CCDC178: variants seen among roughly 807,000 people sequenced by gnomAD.
CCDC178 encodes the protein coiled-coil domain-containing protein 178.
Under a neutral mutation model 117.4 loss-of-function variants are expected in CCDC178, and 126 were observed. That is an observed-to-expected ratio of 1.07 (90% CI 0.93 to 1.24). The LOEUF is 1.24. Among genes scored for constraint, CCDC178 ranks in the 50% most tolerant of loss-of-function variants. The probability of loss-of-function intolerance (pLI) is 0.00; values close to 1 mark genes in which losing one functional copy is unlikely to be tolerated. For missense variants in CCDC178, 1,030 were observed against 986.9 expected, an observed-to-expected ratio of 1.04 and a Z score of -0.59; for synonymous variants, 283 against 313.4, an observed-to-expected ratio of 0.90 and a Z score of 1.02.
intron 20 of CCDC178, among the ~76,000 whole-genome samples, chr18:33,172,679 C>T (rs1450198705): frequency 2.0e-5 from 3 of 151,980 alleles, no homozygotes; most frequent in East Asian, 1.9e-4. Context: ...TGCTTATCTT[C>T]GTTCAACTGT....
chr18:33,406,464 G>T (rs986626848), intron 3 of CCDC178, among the ~76,000 whole-genome samples: 4 of 151,924 alleles, frequency 2.6e-5, no homozygotes, highest in Non-Finnish European at 5.9e-5. Flanking sequence ...TAGTATTACA[G>T]CTCATAACAT....
chr18:33,114,762 G>A (rs2057830446), intron 20 of CCDC178, among the ~76,000 whole-genome samples: 1 of 152,038 alleles, frequency 6.6e-6, no homozygotes, highest in African/African-American at 2.4e-5. Context: ...CAAAGGCAGA[G>A]TCAAATACAC....
chr18:32,974,465 T>A, intron 22 of CCDC178, 82 bp downstream of exon 22: 1 of 1,319,742 alleles, frequency 7.6e-7, no homozygotes, highest in Non-Finnish European at 1.1e-6. Flanking sequence ...GGGATATGGT[T>A]TTAATGCTTC....
intron 19 of CCDC178, among the ~76,000 whole-genome samples, chr18:33,212,534 G>A (rs925077314): frequency 3.9e-5 from 6 of 151,914 alleles, no homozygotes; most frequent in African/African-American, 1.4e-4. Context: ...ATGAGTGCCT[G>A]GTATTGAGCT....
At chr18:33,079,701 G>A (rs1485901802) in intron 21 of CCDC178, among the ~76,000 whole-genome samples, 1 of 152,162 alleles carries the variant, frequency 6.6e-6, no homozygotes, top group Non-Finnish European at 1.5e-5. Context: ...GATCATCAGA[G>A]AAATGCAAAT....
intron 20 of CCDC178, among the ~76,000 whole-genome samples, chr18:33,159,012 T>G (rs1384594958): frequency 2.0e-5 from 3 of 152,078 alleles, no homozygotes; most frequent in African/African-American, 7.2e-5. Context: ...ATATAAAAAT[T>G]TTTAATACTA....
chr18:33,385,542 C>G (rs1298969389), intron 5 of CCDC178, among the ~76,000 whole-genome samples: 2 of 152,124 alleles, frequency 1.3e-5, no homozygotes, highest in Non-Finnish European at 2.9e-5. Context: ...CAAATTAGAA[C>G]TCAAGATTAA....
chr18:32,982,725 C>T (rs564538857), intron 21 of CCDC178, among the ~76,000 whole-genome samples: 94 of 152,190 alleles, frequency 6.2e-4, no homozygotes, highest in Non-Finnish European at 1.1e-3. Flanking sequence ...TTAACAGAAT[C>T]GCTGCAATAA....
At chr18:32,944,221 T>G (rs1365435753) in intron 22 of CCDC178, among the ~76,000 whole-genome samples, 2 of 152,176 alleles carry the variant, frequency 1.3e-5, no homozygotes, top group African/African-American at 4.8e-5. Context: ...AAATACCACT[T>G]CTGGCTGGAA....
At chr18:33,415,404 A>T (rs1439297852) in intron 2 of CCDC178, among the ~76,000 whole-genome samples, 3 of 152,156 alleles carry the variant, frequency 2.0e-5, no homozygotes, top group African/African-American at 7.2e-5. Context: ...ATTTGTAGGG[A>T]TGTGGATGAA....
At chr18:33,200,873 G>A (rs568805838) in intron 20 of CCDC178, among the ~76,000 whole-genome samples, 4 of 152,008 alleles carry the variant, frequency 2.6e-5, no homozygotes, top group South Asian at 4.2e-4. Context: ...TTTGTAATAC[G>A]CTCAGAATCT....
rs113561788 is a variant in CCDC178, at chr18:33,432,602, T to A, written c.-23+7360A>T. ...TTTATACACTCCAGGTCCCTCTCAG[T>A]AGCAAAGAAACACATCTCTTTGAGA... On this transcript the variant is annotated intron_variant, in intron 2 of 22. Coordinates refer to ENST00000383096, the MANE Select transcript of CCDC178 (RefSeq NM_001105528.4). Among the ~76,000 whole-genome samples, 459 of 152,052 alleles carry A rather than the reference T, an allele frequency of 3.0e-3. 1 individual carries two copies. Among genetic ancestry groups the A allele is most frequent in the African/African-American group, 0.011 (437 of 41,506 alleles).
At chr18:33,172,960 A>G (rs1334812693) in intron 20 of CCDC178, among the ~76,000 whole-genome samples, 1 of 152,180 alleles carries the variant, frequency 6.6e-6, no homozygotes, top group African/African-American at 2.4e-5. Context: ...AGGATGTCAA[A>G]TTGATCTTCT....
At chr18:33,414,801 T>A (rs1425672189) in intron 2 of CCDC178, among the ~76,000 whole-genome samples, 2 of 152,206 alleles carry the variant, frequency 1.3e-5, no homozygotes, top group Non-Finnish European at 2.9e-5. Context: ...AATCTACTCA[T>A]CTGACAAAGG....
chr18:32,937,875 T>C lies in CCDC178; in HGVS notation c.*136A>G, dbSNP rs2054153180. On this transcript the variant is annotated 3_prime_UTR_variant, in exon 23 of 23. Transcript: ENST00000383096. The stretch of plus-strand genomic sequence containing the variant: ...CTGTGAGTAAAAGAGTGGCAAAGCA[T>C]GCTGGGAGGTGAGTGAGTTTTTCGT... 1 of 658,430 alleles carries C rather than the reference T, an allele frequency of 1.5e-6. No individual in the cohort carries two copies. The highest frequency in any genetic ancestry group is 1.8e-5 in the African/African-American group (1 of 55,524). The allele number at this position is 658,430 out of a possible 1,614,324, so 40.8% of individuals were successfully genotyped here.
At chr18:33,297,549 TATGC>T in intron 11 of CCDC178, among the ~76,000 whole-genome samples, 1 of 152,192 alleles carries the variant, frequency 6.6e-6, no homozygotes, top group East Asian at 1.9e-4. Flanking sequence ...AAACAATTTA[TATGC>T]TAATAAAATA....
At chr18:33,146,538 G>A (rs2058270208) in intron 20 of CCDC178, among the ~76,000 whole-genome samples, 1 of 152,140 alleles carries the variant, frequency 6.6e-6, no homozygotes, top group Admixed American at 6.5e-5. Context: ...CATATGGGAA[G>A]CTACATGGGA....
At chr18:33,019,914 T>TG (rs2056075648) in intron 21 of CCDC178, among the ~76,000 whole-genome samples, 2 of 216 alleles carry the variant, frequency 9.3e-3, no homozygotes, top group South Asian at 0.17. Context: ...TTAACTGAGA[T>TG]ATTATTATTA....
chr18:33,285,310 T>C (rs1321840665), intron 12 of CCDC178, among the ~76,000 whole-genome samples: 2 of 152,080 alleles, frequency 1.3e-5, no homozygotes, highest in Non-Finnish European at 2.9e-5. Flanking sequence ...ATATGACAAT[T>C]ATGTTATTAA....
Sources: gnomAD v4.1 joint callset for allele counts (sites outside exome capture counted in the v4.1 genomes callset) on GRCh38, gnomAD v4.1.1 for gene constraint, MANE v1.5 for transcripts, NCBI Gene and HGNC (gene_info 2026-07-23, HGNC 2026-07-21) for gene names.